Variants in SLC41A3 observed in about 807,000 individuals in gnomAD.
SLC41A3 encodes the protein SLC41A1-like 2.
SLC41A3 carries 44 observed loss-of-function variants against 45.4 expected under a neutral mutation model. That is an observed-to-expected ratio of 0.97 (90% CI 0.76 to 1.25). The LOEUF (loss-of-function observed/expected upper bound fraction) is 1.25, where lower values mean the gene tolerates loss of function less well. Among genes scored for constraint, SLC41A3 ranks in the 50% most tolerant of loss-of-function variants. The pLI, the probability that SLC41A3 is intolerant of heterozygous loss-of-function variation, is 0.00. For synonymous variants in SLC41A3, 256 were observed against 252.4 expected (o/e 1.01, Z -0.13); for missense variants, 550 against 600.6 (o/e 0.92, Z 0.88).
chr3:126,019,780 C>G (rs1245280326), intron 6 of SLC41A3, among the ~76,000 whole-genome samples: 1 of 152,100 alleles, frequency 6.6e-6, no homozygotes, highest in Non-Finnish European at 1.5e-5. Flanking sequence ...CCCCCTACCT[C>G]CAACCATGGC....
At chr3:126,044,169 T>C (rs1408326132) in intron 3 of SLC41A3, among the ~76,000 whole-genome samples, 1 of 152,176 alleles carries the variant, frequency 6.6e-6, no homozygotes, top group Non-Finnish European at 1.5e-5. Flanking sequence ...TGAGACAAAA[T>C]GGACTTTAAG....
intron 2 of SLC41A3, among the ~76,000 whole-genome samples, chr3:126,059,580 C>A (rs2107967597): frequency 6.6e-6 from 1 of 152,242 alleles, no homozygotes; most frequent in African/African-American, 2.4e-5. Flanking sequence ...AGAAAATGAA[C>A]AGTTTCCCAA....
chr3:126,014,445 G>A (rs1389356644), intron 8 of SLC41A3, among the ~76,000 whole-genome samples: 1 of 152,164 alleles, frequency 6.6e-6, no homozygotes, highest in African/African-American at 2.4e-5. Context: ...GCATTCTGCA[G>A]CTTACCCCTG....
rs1005355852 is a variant in SLC41A3 at position 126,067,980 on chromosome 3, C to G, written c.240G>C (p.Leu80=). 3 of 1,612,740 alleles carry G rather than the reference C, an allele frequency of 1.9e-6. No homozygotes were observed. The highest frequency in any genetic ancestry group is 2.5e-6 in the Non-Finnish European group (3 of 1,179,394). ...AGTCCAGAAGCATGCCGGCCCAGGA[C>G]AGTCCCAGGCCTGCAAACATGAAGG... The part of the protein sequence containing the change: ...TVPFMFAGLG[L]SWAGMLLDYF... Residue 80 remains leucine, a synonymous_variant, in exon 2 of 11, where the codon CTG becomes CTC. Coordinates refer to ENST00000360370, the MANE Select transcript of SLC41A3 (RefSeq NM_017836.4).
chr3:126,037,893 G>GA (rs1361413925), intron 3 of SLC41A3, among the ~76,000 whole-genome samples: 1 of 152,042 alleles, frequency 6.6e-6, no homozygotes, highest in Non-Finnish European at 1.5e-5. Flanking sequence ...GGCTTAGGAG[G>GA]AAAGAATGGT....
intron 1 of SLC41A3, chr3:126,078,838 C>G (rs1410106634): frequency 6.6e-6 from 1 of 152,210 alleles, no homozygotes; most frequent in Non-Finnish European, 1.5e-5. Context: ...GTGGGATCAT[C>G]TGATGAGAAC....
intron 2 of SLC41A3, among the ~76,000 whole-genome samples, chr3:126,053,015 G>T (rs1943440448): frequency 6.6e-6 from 1 of 152,200 alleles, no homozygotes; most frequent in South Asian, 2.1e-4. Context: ...GCCAGACGTT[G>T]CTATGACTGG....
chr3:126,101,106 C>T (rs979820199), intron 1 of SLC41A3, among the ~76,000 whole-genome samples: 6 of 152,222 alleles, frequency 3.9e-5, no homozygotes, highest in African/African-American at 1.2e-4. Flanking sequence ...CCCCCGGGTC[C>T]AAGTGCTGCC....
intron 1 of SLC41A3, among the ~76,000 whole-genome samples, chr3:126,099,649 G>A (rs892674914): frequency 6.6e-6 from 1 of 152,188 alleles, no homozygotes; most frequent in Non-Finnish European, 1.5e-5. Context: ...GCAGTGTGCT[G>A]AGATTGCGCC....
chr3:126,056,398 A>G, intron 2 of SLC41A3: 1 of 1,614,210 alleles, frequency 6.2e-7, no homozygotes, highest in Non-Finnish European at 8.5e-7. Context: ...CATCATGCAC[A>G]AGCCGGACAG....
chr3:126,064,443 G>A (rs1304959856), intron 2 of SLC41A3, among the ~76,000 whole-genome samples: 4 of 152,096 alleles, frequency 2.6e-5, no homozygotes, highest in South Asian at 2.1e-4. Flanking sequence ...CAGTGGCCCC[G>A]CAAGGTGTGC....
intron 1 of SLC41A3, among the ~76,000 whole-genome samples, chr3:126,093,771 C>T (rs1559901341): frequency 6.6e-6 from 1 of 152,086 alleles, no homozygotes; most frequent in Admixed American, 6.5e-5. Context: ...ATTAAATGAA[C>T]AGGAGGATTT....
chr3:126,074,508 T>A (rs1944781172), intron 1 of SLC41A3, among the ~76,000 whole-genome samples: 1 of 152,122 alleles, frequency 6.6e-6, no homozygotes, highest in Non-Finnish European at 1.5e-5. Context: ...TATCCCTGTT[T>A]ACAGACGACA....
chr3:126,029,050 C>G (rs184543204), intron 4 of SLC41A3, among the ~76,000 whole-genome samples: 1 of 152,192 alleles, frequency 6.6e-6, no homozygotes, highest in African/African-American at 2.4e-5. Flanking sequence ...AAGGCACTTG[C>G]CTTGTCTCAG....
intron 2 of SLC41A3, among the ~76,000 whole-genome samples, chr3:126,063,956 C>CCCCCCCG (rs1002674529): frequency 1.5e-4 from 22 of 142,196 alleles, no homozygotes; most frequent in African/African-American, 3.8e-4. Flanking sequence ...CCAACCCCCC[C>CCCCCCCG]CCGGGGACAC....
At chr3:126,082,224 G>T (rs6771703) in intron 1 of SLC41A3, among the ~76,000 whole-genome samples, 47,210 of 152,110 alleles carry the variant, frequency 0.31, 7,575 homozygotes, top group Middle Eastern at 0.43. Context: ...CAGGCTGGAG[G>T]AGGCTCCTGT....
At chr3:126,036,791 T>C (rs543864739) in intron 3 of SLC41A3, among the ~76,000 whole-genome samples, 50 of 152,330 alleles carry the variant, frequency 3.3e-4, no homozygotes, top group African/African-American at 1.2e-3. Flanking sequence ...CAAAATACAC[T>C]TACTGGATTA....
intron 1 of SLC41A3, among the ~76,000 whole-genome samples, chr3:126,100,524 G>A (rs1945687929): frequency 6.6e-6 from 1 of 152,174 alleles, no homozygotes; most frequent in African/African-American, 2.4e-5. Flanking sequence ...GAGGTTTAAT[G>A]TGCATTCAGT....
chr3:126,041,823 A>G (rs1942613929), intron 3 of SLC41A3, among the ~76,000 whole-genome samples: 1 of 152,174 alleles, frequency 6.6e-6, no homozygotes, highest in South Asian at 2.1e-4. Flanking sequence ...AATAAGCAAC[A>G]CAGAGTGACC....
Sources: allele counts gnomAD v4.1 joint callset (sites outside exome capture counted in the v4.1 genomes callset), GRCh38; gene constraint gnomAD v4.1.1; transcripts MANE v1.5; gene names NCBI Gene and HGNC (gene_info 2026-07-23, HGNC 2026-07-21).